SLC9A7: variants seen among roughly 807,000 people sequenced by gnomAD.
The protein encoded by SLC9A7 is solute carrier family 9 member A7.
In SLC9A7, 19 loss-of-function variants were observed where a neutral mutation model predicts 52.6. The observed-to-expected ratio is 0.36, with a 90% CI of 0.25 to 0.53. The LOEUF is 0.53. Among genes scored for constraint, SLC9A7 ranks in the 20% least tolerant of loss-of-function variants. The pLI is 0.91. For missense variants in SLC9A7, 455 were observed against 597.9 expected, an observed-to-expected ratio of 0.76 and a Z score of 2.49; for synonymous variants, 226 against 252.1, an observed-to-expected ratio of 0.90 and a Z score of 0.98.
intron 4 of SLC9A7, among the ~76,000 whole-genome samples, chrX:46,671,277 T>C (rs764244922): frequency 9.0e-6 from 1 of 110,872 alleles, no homozygotes; most frequent in Admixed American, 9.6e-5. Flanking sequence ...TTTTGTTTTT[T>C]TGAGACAGAG....
intron 14 of SLC9A7, among the ~76,000 whole-genome samples, chrX:46,626,746 C>T (rs912994339): frequency 2.7e-5 from 3 of 111,817 alleles, no homozygotes; most frequent in Non-Finnish European, 5.6e-5. Context: ...TAAAAGTGTG[C>T]GGCACTTCCC....
intron 1 of SLC9A7, among the ~76,000 whole-genome samples, chrX:46,690,469 C>T (rs1195549966): frequency 9.0e-6 from 1 of 111,523 alleles, no homozygotes; most frequent in African/African-American, 3.3e-5. Context: ...TTCTGGGTTC[C>T]CTTATACATT....
At chrX:46,705,656 G>A (rs773116428) in intron 1 of SLC9A7, among the ~76,000 whole-genome samples, 93 of 111,824 alleles carry the variant, frequency 8.3e-4, no homozygotes, top group Non-Finnish European at 1.3e-3. Flanking sequence ...GCAACACAGT[G>A]AGATGTTGTC....
chrX:46,710,886 G>GA (rs998029182), intron 1 of SLC9A7, among the ~76,000 whole-genome samples: 3 of 111,616 alleles, frequency 2.7e-5, no homozygotes, highest in Admixed American at 9.5e-5. Flanking sequence ...TGCCTACTCA[G>GA]AAAAAAAATG....
intron 1 of SLC9A7, among the ~76,000 whole-genome samples, chrX:46,686,281 G>A (rs1174319535): frequency 8.9e-6 from 1 of 111,921 alleles, no homozygotes; most frequent in Non-Finnish European, 1.9e-5. Context: ...AGAGATGTAA[G>A]GTTAACACCA....
intron 1 of SLC9A7, among the ~76,000 whole-genome samples, chrX:46,738,036 AAAG>A: frequency 2.1e-4 from 1 of 4,721 alleles, no homozygotes; most frequent in Non-Finnish European, 4.4e-4. Context: ...CAAAAAAAAG[AAAG>A]AAAGAAAGAA....
At chrX:46,711,537 G>A (rs1944687768) in intron 1 of SLC9A7, among the ~76,000 whole-genome samples, 1 of 111,515 alleles carries the variant, frequency 9.0e-6, no homozygotes, top group South Asian at 3.8e-4. Flanking sequence ...ATTCATTTTA[G>A]TCTGTATCCA....
chrX:46,725,343 T>TC, intron 1 of SLC9A7: 3 of 1,180,412 alleles, frequency 2.5e-6, no homozygotes. Flanking sequence ...GTCATCTTCA[T>TC]CCAGTTCTGG....
Position 46,647,409 on chromosome X carries a change from C to T in SLC9A7, c.1462+1277G>A, listed in dbSNP as rs138188686. On this transcript the variant is annotated intron_variant, in intron 11 of 16. Coordinates refer to ENST00000616978, the MANE Select transcript of SLC9A7 (RefSeq NM_001257291.2). Reference sequence around the variant, plus strand: ...AACCAGACTGCTGCCCTTCCCTAAACGAGCCAGGCATGCTAATGCTTTTCT... The same window carrying T: ...AACCAGACTGCTGCCCTTCCCTAAATGAGCCAGGCATGCTAATGCTTTTCT... 7.8e-3 allele frequency: 932 copies of T among 119,481 alleles called. 8 individuals carry two copies. The highest frequency in any genetic ancestry group is 0.018 in the Admixed American group (200 of 11,120). 9.8% of individuals were successfully genotyped at this position (119,481 alleles called of 1,213,427 possible).
intron 1 of SLC9A7, among the ~76,000 whole-genome samples, chrX:46,730,670 T>TAATATATATATATA (rs1491295251): frequency 8.6e-4 from 37 of 42,913 alleles, no homozygotes; most frequent in African/African-American, 2.3e-3. Context: ...AAAAAAAAAA[T>TAATATATATATATA]TATATATATA....
intron 11 of SLC9A7, chrX:46,647,365 T>G (rs957475932): frequency 1.6e-5 from 2 of 127,052 alleles, no homozygotes; most frequent in Admixed American, 1.7e-4. Flanking sequence ...TCTGCATTAC[T>G]CCATGTATCT....
rs981455954 is a variant in SLC9A7, at chrX:46,626,345, G to A, written c.1740+5241C>T. Among the ~76,000 whole-genome samples the A allele has an allele frequency of 4.5e-5, 5 of 111,201 alleles. No homozygotes were observed. In the Admixed American group the frequency reaches 4.7e-4, roughly 11 times the overall value. On this transcript the variant is annotated intron_variant, in intron 14 of 16. Coordinates refer to ENST00000616978, the MANE Select transcript of SLC9A7 (RefSeq NM_001257291.2). Reference sequence around the variant, plus strand: ...GCTACAGTGCAGTGGTGTGATCTCGGCTCACTGCAACCTCCGCCTCCCGGG... The same window carrying A: ...GCTACAGTGCAGTGGTGTGATCTCGACTCACTGCAACCTCCGCCTCCCGGG...
chrX:46,700,702 A>G (rs754217618), intron 1 of SLC9A7, among the ~76,000 whole-genome samples: 14 of 112,125 alleles, frequency 1.2e-4, no homozygotes, highest in Non-Finnish European at 2.4e-4. Flanking sequence ...CGCCTAGTCT[A>G]TAGTATTTTG....
At chrX:46,743,843 C>T (rs1042404880) in intron 1 of SLC9A7, among the ~76,000 whole-genome samples, 66 of 111,502 alleles carry the variant, frequency 5.9e-4, no homozygotes, top group Non-Finnish European at 1.1e-3. Context: ...CCAAGCAGTG[C>T]CACATTCATC....
chrX:46,741,416 T>C (rs1569525682), intron 1 of SLC9A7, among the ~76,000 whole-genome samples: 1 of 111,810 alleles, frequency 8.9e-6, no homozygotes. Context: ...TGGTGTGGTA[T>C]TGGCAAAGAG....
intron 1 of SLC9A7, among the ~76,000 whole-genome samples, chrX:46,718,106 C>T (rs1203140845): frequency 9.0e-6 from 1 of 111,321 alleles, no homozygotes; most frequent in Admixed American, 9.6e-5. Flanking sequence ...GAGATAAAGA[C>T]CAATGGAACA....
intron 15 of SLC9A7, among the ~76,000 whole-genome samples, chrX:46,618,983 T>C (rs2146693666): frequency 9.2e-6 from 1 of 108,408 alleles, no homozygotes; most frequent in South Asian, 3.9e-4. Flanking sequence ...TACAAAGTGG[T>C]AGCAGATATT....
At chrX:46,616,156 TAA>T (rs775387259) in intron 15 of SLC9A7, among the ~76,000 whole-genome samples, 9 of 83,981 alleles carry the variant, frequency 1.1e-4, no homozygotes, top group Admixed American at 1.4e-4. Flanking sequence ...CCTCATCTCT[TAA>T]AAAAAAAAAA....
At chrX:46,721,384 C>T (rs1289064583) in intron 1 of SLC9A7, among the ~76,000 whole-genome samples, 1 of 111,788 alleles carries the variant, frequency 8.9e-6, no homozygotes, top group Admixed American at 9.5e-5. Context: ...TTCAAAGATG[C>T]AAATAGTTCC....
Sources: allele counts gnomAD v4.1 joint callset (sites outside exome capture counted in the v4.1 genomes callset), GRCh38; gene constraint gnomAD v4.1.1; transcripts MANE v1.5; gene names NCBI Gene and HGNC (gene_info 2026-07-23, HGNC 2026-07-21).